The following UVRAG variants were observed in gnomAD, a reference collection of about 807,000 sequenced individuals.
UVRAG encodes UV radiation resistance associated.
UVRAG carries 19 observed loss-of-function variants against 78.0 expected under a neutral mutation model. That is an observed-to-expected ratio of 0.24 (90% CI 0.17 to 0.36). The LOEUF (loss-of-function observed/expected upper bound fraction) is 0.36. Among genes scored for constraint, UVRAG ranks in the 10% least tolerant of loss-of-function variants. UVRAG has a pLI of 1.00. For synonymous variants in UVRAG, 323 were observed against 324.6 expected, an observed-to-expected ratio of 1.00 and a Z score of 0.05; for missense variants, 740 against 853.8, an observed-to-expected ratio of 0.87 and a Z score of 1.66.
Position 76,141,157 on chromosome 11 carries a change from G to A in UVRAG, c.1844G>A (p.Gly615Asp). ...QAGSASVQLP[G>D]EFHPVSEAEL... Reference sequence around the variant, plus strand: ...GGGTCCGCCAGTGTCCAGCTTCCAGGCGAGTTCCACCCAGTCTCAGAAGCT... The same window carrying A: ...GGGTCCGCCAGTGTCCAGCTTCCAGACGAGTTCCACCCAGTCTCAGAAGCT... Residue 615 changes from glycine (G) to aspartate (D), a missense_variant, in exon 15 of 15, where the codon GGC becomes GAC. Coordinates refer to ENST00000356136, the MANE Select transcript of UVRAG (RefSeq NM_003369.4). The A allele has an allele frequency of 6.2e-7, 1 of 1,614,144 alleles. No individual in the cohort carries two copies. The highest frequency in any genetic ancestry group is 8.5e-7 in the Non-Finnish European group (1 of 1,180,046).
intron 8 of UVRAG, among the ~76,000 whole-genome samples, chr11:75,988,484 A>G (rs976669545): frequency 3.3e-5 from 5 of 152,242 alleles, no homozygotes; most frequent in Admixed American, 3.3e-4. Context: ...GTATGTACAT[A>G]CAACTTGTTT....
intron 4 of UVRAG, among the ~76,000 whole-genome samples, 188 bp downstream of exon 4, chr11:75,880,228 G>A (rs550222746): frequency 6.6e-6 from 1 of 152,204 alleles, no homozygotes; most frequent in Non-Finnish European, 1.5e-5. Context: ...TACTTACATT[G>A]TTATGTTTGA....
intron 1 of UVRAG, among the ~76,000 whole-genome samples, chr11:75,831,169 C>T (rs1031567369): frequency 1.3e-5 from 2 of 152,122 alleles, no homozygotes; most frequent in African/African-American, 4.8e-5. Flanking sequence ...ACAGGATAAG[C>T]GTGTCCTTGC....
chr11:75,918,210 CAA>C (rs67178910), intron 6 of UVRAG, among the ~76,000 whole-genome samples: 2,233 of 55,520 alleles, frequency 0.04, 58 homozygotes, highest in African/African-American at 0.1. Context: ...ACTAAAAATA[CAA>C]AAAAAAAAAA....
At chr11:75,937,484 A>G (rs1948396000) in intron 6 of UVRAG, among the ~76,000 whole-genome samples, 1 of 152,154 alleles carries the variant, frequency 6.6e-6, no homozygotes, top group Non-Finnish European at 1.5e-5. Context: ...ACATCTCTAT[A>G]TCATCTTAGT....
intron 13 of UVRAG, among the ~76,000 whole-genome samples, chr11:76,088,855 G>A (rs575761263): frequency 6.6e-6 from 1 of 152,128 alleles, no homozygotes; most frequent in East Asian, 1.9e-4. Context: ...ACAAGTAATC[G>A]ATCAAATATG....
At chr11:76,095,038 A>G (rs1201200592) in intron 13 of UVRAG, among the ~76,000 whole-genome samples, 1 of 152,136 alleles carries the variant, frequency 6.6e-6, no homozygotes, top group Non-Finnish European at 1.5e-5. Context: ...GCGTATGTTC[A>G]CTTAATCACC....
intron 14 of UVRAG, among the ~76,000 whole-genome samples, chr11:76,140,162 G>T (rs1448109859): frequency 8.5e-6 from 1 of 117,420 alleles, no homozygotes; most frequent in Non-Finnish European, 1.7e-5. Flanking sequence ...TCCCTCCTCT[G>T]CCAGTCCTCT....
intron 13 of UVRAG, among the ~76,000 whole-genome samples, chr11:76,085,427 T>A (rs1197844695): frequency 6.6e-6 from 1 of 152,166 alleles, no homozygotes; most frequent in Non-Finnish European, 1.5e-5. Flanking sequence ...CCATAGAGCT[T>A]GTTGTCAGTC....
intron 6 of UVRAG, among the ~76,000 whole-genome samples, chr11:75,931,956 A>T (rs1350832109): frequency 6.6e-6 from 1 of 152,202 alleles, no homozygotes; most frequent in Non-Finnish European, 1.5e-5. Flanking sequence ...TTATAGGCAG[A>T]AGTAGTGAAA....
intron 12 of UVRAG, among the ~76,000 whole-genome samples, chr11:76,061,249 G>T (rs1379065526): frequency 6.6e-6 from 1 of 152,114 alleles, no homozygotes; most frequent in Non-Finnish European, 1.5e-5. Flanking sequence ...TCATCTAGTG[G>T]GGAGGTGGAG....
At chr11:75,833,198 ACT>A (rs1364319983) in intron 1 of UVRAG, among the ~76,000 whole-genome samples, 1 of 152,130 alleles carries the variant, frequency 6.6e-6, no homozygotes, top group Non-Finnish European at 1.5e-5. Flanking sequence ...TATACCTGTT[ACT>A]TAGATTTGTC....
In UVRAG at chr11:76,024,452, A is replaced by G. The variant is rs183486853; in HGVS notation, c.1226+7472A>G. Among the ~76,000 whole-genome samples, 41 of 152,252 alleles carry G rather than the reference A, an allele frequency of 2.7e-4. No individual in the cohort carries two copies. In the East Asian group the frequency reaches 6.0e-3, roughly 22 times the overall value. On this transcript the variant is annotated intron_variant, in intron 12 of 14. Transcript: ENST00000356136. The stretch of plus-strand genomic sequence containing the variant: ...TGAATGAATTTTATATTCTTCCTCT[A>G]TCTTCCTCCTTTTGCTGAAACACAA...
chr11:75,877,549 G>A (rs1263045405), intron 3 of UVRAG, among the ~76,000 whole-genome samples: 10 of 137,372 alleles, frequency 7.3e-5, no homozygotes, highest in African/African-American at 2.8e-4. Context: ...GTGGCTGGCC[G>A]GGCGGGGGGC....
In UVRAG at chr11:75,851,901, CG is replaced by C; in HGVS notation, c.138del (p.Asn47ThrfsTer39). On this transcript the variant is annotated frameshift_variant, in exon 2 of 15. Transcript: ENST00000356136. LOFTEE classifies it high-confidence loss of function. ...PSQQRRLRHL[R>X]NIAARNIVNR... The stretch of plus-strand genomic sequence containing the variant: ...TTTTCAGCGGCGTCTTCGACATCTT[CG>C]GAACATTGCTGCCCGGAACATTGTT... 1 of 1,611,668 alleles carries C rather than the reference CG, an allele frequency of 6.2e-7. No homozygotes were observed. The highest frequency in any genetic ancestry group is 2.2e-5 in the East Asian group (1 of 44,872).
chr11:75,918,909 C>A (rs975819299), intron 6 of UVRAG, among the ~76,000 whole-genome samples: 10 of 152,178 alleles, frequency 6.6e-5, no homozygotes, highest in African/African-American at 1.9e-4. Flanking sequence ...TCAGCTGTTG[C>A]TTTCTTTCAG....
intron 4 of UVRAG, among the ~76,000 whole-genome samples, chr11:75,884,638 TC>T (rs1350182687): frequency 2.0e-5 from 3 of 152,154 alleles, no homozygotes; most frequent in Non-Finnish European, 4.4e-5. Context: ...GAACAATTGT[TC>T]CTGTACTCTT....
intron 5 of UVRAG, among the ~76,000 whole-genome samples, chr11:75,899,494 T>C (rs1318378094): frequency 6.6e-6 from 1 of 152,108 alleles, no homozygotes; most frequent in African/African-American, 2.4e-5. Flanking sequence ...ATGAGTGAAG[T>C]ACCTTAGAAG....
At chr11:76,127,179 A>G (rs1345994374) in intron 14 of UVRAG, among the ~76,000 whole-genome samples, 1 of 152,240 alleles carries the variant, frequency 6.6e-6, no homozygotes, top group African/African-American at 2.4e-5. Flanking sequence ...CAGAGCCTCA[A>G]AAACTGTCAG....
Sources: gnomAD v4.1 joint callset for allele counts (sites outside exome capture counted in the v4.1 genomes callset) on GRCh38, gnomAD v4.1.1 for gene constraint, MANE v1.5 for transcripts, NCBI Gene and HGNC (gene_info 2026-07-23, HGNC 2026-07-21) for gene names.